The following RBL2 variants were observed in gnomAD, a reference collection of about 807,000 sequenced individuals.
RBL2 encodes retinoblastoma-like protein 2.
Under a neutral mutation model 126.0 loss-of-function variants are expected in RBL2, and 56 were observed. That is an observed-to-expected ratio of 0.44 (90% CI 0.36 to 0.56). The LOEUF (loss-of-function observed/expected upper bound fraction) is 0.56. RBL2 is among the 20% of genes least tolerant of loss of function. The probability of loss-of-function intolerance (pLI) is 0.00; values close to 1 mark genes in which losing one functional copy is unlikely to be tolerated. For missense variants in RBL2, 1,229 were observed against 1,398.2 expected (o/e 0.88, Z 1.93); for synonymous variants, 454 against 478.5 (o/e 0.95, Z 0.67).
Position 53,470,869 on chromosome 16 carries a change from A to G in RBL2, c.2650A>G (p.Met884Val), listed in dbSNP as rs1399555790. Reference protein sequence around the residue: ...FSIIQCPELMMDRHLDQLLMC... With the variant: ...FSIIQCPELMVDRHLDQLLMC... ...CATAATTCAGTGTCCTGAACTTATGATGGACAGACATCTGGACCAGTTATT... is the reference window on the plus strand; with the variant it reads ...CATAATTCAGTGTCCTGAACTTATGGTGGACAGACATCTGGACCAGTTATT... The change falls in exon 17 of 22, where the codon ATG becomes GTG. Residue 884 changes from methionine (M) to valine (V), a missense_variant. Met to Val is a conservative substitution (Grantham distance 21). This residue lies in a region of RBL2 where 1,070 missense variants were observed against 1,274.3 expected (regional missense o/e 0.84). Transcript: ENST00000262133. The G allele has an allele frequency of 2.1e-5, 34 of 1,614,058 alleles. No individual in the cohort carries two copies. The highest frequency in any genetic ancestry group is 4.0e-5 in the African/African-American group (3 of 74,940).
intron 4 of RBL2, among the ~76,000 whole-genome samples, chr16:53,449,750 A>G (rs1841246724): frequency 6.6e-6 from 1 of 151,984 alleles, no homozygotes; most frequent in African/African-American, 2.4e-5. Flanking sequence ...TCTAATGACA[A>G]ATAAGCCAAC....
chr16:53,475,177 G>A (rs1960681882), intron 17 of RBL2, among the ~76,000 whole-genome samples: 1 of 152,060 alleles, frequency 6.6e-6, no homozygotes, highest in Non-Finnish European at 1.5e-5. Context: ...TATTCTTTAA[G>A]GTCAGTAGTA....
rs1567731778 is a variant in RBL2, at chr16:53,453,570, A to G, written c.885A>G (p.Glu295=). The change falls in exon 6 of 22, where the codon GAA becomes GAG. Residue 295 remains glutamate, a synonymous_variant. Transcript: ENST00000262133. ...GLVLEAKGIK[E]HFWKPYIRKL... is the part of the protein sequence containing the mutation. ...TTTTGGAAGCAAAGGGGATAAAGGA[A>G]CATTTCTGGAAACCCTATATTAGGA... is the stretch of plus-strand genomic sequence containing the variant. The G allele has an allele frequency of 2.5e-6, 4 of 1,613,446 alleles. No individual in the cohort carries two copies. Among genetic ancestry groups the G allele is most frequent in the Non-Finnish European group, 3.4e-6 (4 of 1,179,590 alleles).
In RBL2 at chr16:53,477,789, A is replaced by G. The variant is rs1960789875; in HGVS notation, c.2704-1365A>G. On this transcript the variant is annotated intron_variant, in intron 17 of 21. Transcript: ENST00000262133. ...CATTTTTGTATGTTATGGGTACATT[A>G]TATATATATATTATTTATACAATTG... 7.9e-5 allele frequency among the ~76,000 whole-genome samples: 12 copies of G among 151,784 alleles called. No homozygotes were observed. The South Asian group carries it at 2.3e-3, about 29-fold the overall frequency.
At chr16:53,474,584 G>A (rs1960654792) in intron 17 of RBL2, among the ~76,000 whole-genome samples, 1 of 152,164 alleles carries the variant, frequency 6.6e-6, no homozygotes, top group South Asian at 2.1e-4. Flanking sequence ...CCAAAGTGCT[G>A]GGATTATAGG....
intron 21 of RBL2, 41 bp from the exon 22 acceptor site, chr16:53,490,089 C>A: frequency 6.9e-7 from 1 of 1,442,892 alleles, no homozygotes. Flanking sequence ...GAGCTATGTG[C>A]ATTTGCATTT....
intron 4 of RBL2, chr16:53,449,154 G>A (rs901245352): frequency 6.6e-6 from 1 of 152,162 alleles, no homozygotes; most frequent in African/African-American, 2.4e-5. Context: ...ATTTTAGAAT[G>A]TGTGACTGCT....
chr16:53,472,143 A>T (rs1163384473), intron 17 of RBL2, among the ~76,000 whole-genome samples: 1 of 152,048 alleles, frequency 6.6e-6, no homozygotes, highest in East Asian at 1.9e-4. Context: ...GATAGGCACA[A>T]TTTTTTTCTC....
intron 21 of RBL2, 97 bp downstream of exon 21, chr16:53,481,932 G>A: frequency 7.3e-7 from 1 of 1,366,722 alleles, no homozygotes; most frequent in Non-Finnish European, 1.0e-6. Context: ...TTAGAGTGAT[G>A]AGAGCTGCCA....
intron 11 of RBL2, among the ~76,000 whole-genome samples, chr16:53,463,561 C>CTTTTTTT (rs770657237): frequency 1.3e-4 from 12 of 94,408 alleles, no homozygotes; most frequent in Non-Finnish European, 2.0e-4. Flanking sequence ...TTTTTTTTTC[C>CTTTTTTT]TTTTTTTTTT....
intron 7 of RBL2, 34 bp from the exon 8 acceptor site, chr16:53,454,622 G>T: frequency 6.7e-7 from 1 of 1,498,916 alleles, no homozygotes; most frequent in Non-Finnish European, 9.2e-7. Context: ...TTCTGTGAGA[G>T]AGTACATTTT....
intron 4 of RBL2, 69 bp downstream of exon 4, chr16:53,447,175 A>C (rs2058070536): frequency 1.2e-6 from 1 of 865,726 alleles, no homozygotes; most frequent in African/African-American, 1.7e-5. Context: ...AATTTTGTCA[A>C]CTTCTAATAT....
At chr16:53,454,566 G>A in intron 7 of RBL2, 90 bp from the exon 8 acceptor site, 1 of 1,219,084 alleles carries the variant, frequency 8.2e-7, no homozygotes, top group South Asian at 1.6e-5. Flanking sequence ...AAAACTATTA[G>A]AACTTTTAGT....
chr16:53,439,661 GTAAT>G (rs2153137746), intron 2 of RBL2, among the ~76,000 whole-genome samples: 1 of 152,224 alleles, frequency 6.6e-6, no homozygotes, highest in Admixed American at 6.5e-5. Flanking sequence ...TATCTGTTGT[GTAAT>G]TAAATTGATT....
At position 53,470,039 on chromosome 16, in the gene RBL2, C is replaced by T. The variant is rs754122730; in HGVS notation, c.2099C>T (p.Pro700Leu). 1.5e-5 allele frequency: 24 copies of T among 1,614,230 alleles called. No individual in the cohort carries two copies. Among genetic ancestry groups the T allele is most frequent in the Non-Finnish European group, 2.0e-5 (24 of 1,180,024 alleles). ...SDGGTPGRMP[P>L]QPLVNAVPVQ... ...GGAGGGACGCCTGGGCGCATGCCCCCACAGCCCCTAGTCAATGCTGTCCCT... is the reference window on the plus strand; with the variant it reads ...GGAGGGACGCCTGGGCGCATGCCCCTACAGCCCCTAGTCAATGCTGTCCCT... The change falls in exon 15 of 22, where the codon CCA becomes CTA. Residue 700 changes from proline (P) to leucine (L), a missense_variant. This residue lies in a region of RBL2 where 1,070 missense variants were observed against 1,274.3 expected (regional missense o/e 0.84). Transcript: ENST00000262133.
chr16:53,473,630 C>T (rs987150716), intron 17 of RBL2, among the ~76,000 whole-genome samples: 2 of 151,588 alleles, frequency 1.3e-5, no homozygotes, highest in Non-Finnish European at 2.9e-5. Context: ...AAACTGGATG[C>T]CTTTTATTTC....
intron 3 of RBL2, among the ~76,000 whole-genome samples, chr16:53,445,246 G>A (rs1372114192): frequency 6.6e-6 from 1 of 151,260 alleles, no homozygotes; most frequent in Non-Finnish European, 1.5e-5. Context: ...GGGATCACTT[G>A]AGCCTGGGAG....
Position 53,453,482 on chromosome 16 carries a change from C to G in RBL2, c.797C>G (p.Ser266Cys), listed in dbSNP as rs764228963. Residue 266 changes from serine to cysteine, a missense_variant, in exon 6 of 22, where the codon TCT (serine) becomes TGT (cysteine). By Grantham distance (112) the Ser-to-Cys change is moderately radical (BLOSUM62 -1). Coordinates refer to ENST00000262133, the MANE Select transcript of RBL2 (RefSeq NM_005611.4). ...TCTGAAGATTTTCATGCTAAAGATT[C>G]TAAACCTTCCTCTGACCCCCCTTGT... ...GLSEDFHAKD[S>C]KPSSDPPCII... The G allele has an allele frequency of 1.2e-6, 2 of 1,613,254 alleles. No homozygotes were observed. The highest frequency in any genetic ancestry group is 1.7e-6 in the Non-Finnish European group (2 of 1,179,446).
chr16:53,447,010 G>T, intron 3 of RBL2, 32 bp from the exon 4 acceptor site: 1 of 1,374,318 alleles, frequency 7.3e-7, no homozygotes, highest in South Asian at 1.5e-5. Context: ...TTCTTCTGTT[G>T]TCTCATGACT....
Sources: allele counts gnomAD v4.1 joint callset (sites outside exome capture counted in the v4.1 genomes callset), GRCh38; gene constraint gnomAD v4.1.1; regional missense constraint gnomAD v4.1.1; transcripts MANE v1.5; gene names NCBI Gene and HGNC (gene_info 2026-07-23, HGNC 2026-07-21).